The following PELI2 variants were observed in gnomAD, a reference collection of about 807,000 sequenced individuals.
PELI2 encodes the protein pellino E3 ubiquitin protein ligase family member 2.
A neutral mutation model predicts 42.3 loss-of-function variants in PELI2; 23 were observed. That is an observed-to-expected ratio of 0.54 (90% CI 0.39 to 0.77). The LOEUF (loss-of-function observed/expected upper bound fraction) is 0.77. Among genes scored for constraint, PELI2 ranks in the 30% least tolerant of loss-of-function variants. The pLI is 0.00. For synonymous variants in PELI2, 245 were observed against 212.2 expected (o/e 1.15, Z -1.34); for missense variants, 463 against 553.2 (o/e 0.84, Z 1.64).
At chr14:56,242,695 A>G (rs1379702106) in intron 2 of PELI2, among the ~76,000 whole-genome samples, 1 of 152,254 alleles carries the variant, frequency 6.6e-6, no homozygotes, top group East Asian at 1.9e-4. Context: ...AAATGAAGAC[A>G]TTTGCAGCAA....
intron 1 of PELI2, among the ~76,000 whole-genome samples, chr14:56,154,967 A>C (rs2139628981): frequency 6.6e-6 from 1 of 152,138 alleles, no homozygotes; most frequent in East Asian, 1.9e-4. Context: ...TGTTTTTTTG[A>C]TTACTAATTG....
intron 1 of PELI2, among the ~76,000 whole-genome samples, chr14:56,136,333 T>C (rs988644451): frequency 2.0e-5 from 3 of 152,176 alleles, no homozygotes; most frequent in Admixed American, 2.0e-4. Flanking sequence ...ACAAAATAAA[T>C]ATGTTTACTT....
At chr14:56,155,908 T>C (rs1470522763) in intron 1 of PELI2, among the ~76,000 whole-genome samples, 1 of 152,180 alleles carries the variant, frequency 6.6e-6, no homozygotes, top group Non-Finnish European at 1.5e-5. Context: ...GTTTTAATTA[T>C]TGTAGCAACA....
chr14:56,125,854 T>C (rs1883238334), intron 1 of PELI2, among the ~76,000 whole-genome samples: 1 of 152,050 alleles, frequency 6.6e-6, no homozygotes, highest in East Asian at 1.9e-4. Flanking sequence ...CTGGTGCATG[T>C]TAGGTACTCA....
intron 2 of PELI2, among the ~76,000 whole-genome samples, chr14:56,196,429 T>A (rs535406109): frequency 6.6e-6 from 1 of 152,332 alleles, no homozygotes; most frequent in South Asian, 2.1e-4. Context: ...ACATCACTAT[T>A]TCTAGGTTGG....
At chr14:56,209,534 A>T (rs111416596) in intron 2 of PELI2, among the ~76,000 whole-genome samples, 2,182 of 125,342 alleles carry the variant, frequency 0.017, 24 homozygotes, top group Middle Eastern at 0.08. Context: ...GGTTTTTTTA[A>T]TAAAATATTT....
chr14:56,299,338 C>T lies in PELI2; in HGVS notation c.*2172C>T, dbSNP rs1233580589. ...GTTACCTTCCAAGTTGGACACGTCCCGTAGTTGGGCATATGTCTAACTAAA... is the reference window on the plus strand; with the variant it reads ...GTTACCTTCCAAGTTGGACACGTCCTGTAGTTGGGCATATGTCTAACTAAA... On this transcript the variant is annotated 3_prime_UTR_variant, in exon 6 of 6. Coordinates refer to ENST00000267460, the MANE Select transcript of PELI2 (RefSeq NM_021255.3). 2.0e-5 allele frequency: 3 copies of T among 152,180 alleles called. No individual in the cohort carries two copies. Among genetic ancestry groups the T allele is most frequent in the Non-Finnish European group, 2.9e-5 (2 of 68,036 alleles). The allele number at this position is 152,180 out of a possible 1,614,324, so 9.4% of individuals were successfully genotyped here.
chr14:56,162,825 TC>T (rs1420055311), intron 1 of PELI2, among the ~76,000 whole-genome samples: 1 of 152,214 alleles, frequency 6.6e-6, no homozygotes, highest in African/African-American at 2.4e-5. Flanking sequence ...AAATGATATC[TC>T]ATTGTAGTTT....
At chr14:56,284,765 C>A (rs1889594045) in intron 3 of PELI2, among the ~76,000 whole-genome samples, 1 of 152,226 alleles carries the variant, frequency 6.6e-6, no homozygotes, top group Admixed American at 6.5e-5. Context: ...CTAGTTTCAT[C>A]TCTTGACCAT....
At chr14:56,235,326 A>G (rs7152487) in intron 2 of PELI2, among the ~76,000 whole-genome samples, 50,078 of 152,170 alleles carry the variant, frequency 0.33, 10,513 homozygotes, top group African/African-American at 0.6. Context: ...GTCAAGATAT[A>G]TCCCCCCAAA....
At chr14:56,149,325 C>G (rs985892676) in intron 1 of PELI2, among the ~76,000 whole-genome samples, 1 of 152,200 alleles carries the variant, frequency 6.6e-6, no homozygotes, top group Admixed American at 6.5e-5. Flanking sequence ...CCCTGTTTAA[C>G]TTTCTTCTTA....
intron 2 of PELI2, among the ~76,000 whole-genome samples, chr14:56,194,707 A>G (rs760302450): frequency 6.6e-6 from 1 of 152,198 alleles, no homozygotes; most frequent in Non-Finnish European, 1.5e-5. Context: ...TGGTAACTGG[A>G]TAAGGCAGCC....
At chr14:56,255,546 A>T (rs1404107720) in intron 2 of PELI2, among the ~76,000 whole-genome samples, 3 of 152,294 alleles carry the variant, frequency 2.0e-5, no homozygotes, top group East Asian at 3.9e-4. Flanking sequence ...TGACAGGTTG[A>T]TGGGTGCAGC....
At chr14:56,292,829 A>G (rs879860229) in intron 5 of PELI2, 2 of 953,146 alleles carry the variant, frequency 2.1e-6, no homozygotes, top group Non-Finnish European at 2.5e-6. Context: ...TGGAGTTTGA[A>G]TTGTGCCCTC....
chr14:56,268,114 T>G (rs564713286), intron 2 of PELI2, among the ~76,000 whole-genome samples: 1 of 152,316 alleles, frequency 6.6e-6, no homozygotes, highest in South Asian at 2.1e-4. Flanking sequence ...CCTATGTACT[T>G]TTTCTCCAGT....
chr14:56,199,550 GTTC>G (rs920154345), intron 2 of PELI2, among the ~76,000 whole-genome samples: 2 of 152,252 alleles, frequency 1.3e-5, no homozygotes, highest in South Asian at 2.1e-4. Flanking sequence ...GTGCTTCATG[GTTC>G]TTCTTGTTGA....
rs186939085 is a variant in PELI2, at chr14:56,206,044, G to A, written c.207+27580G>A. Reference sequence around the variant, plus strand: ...AGCTTTCAAACCGGCGCTCCCAGGAGGAAGTGTGGCAACTATTCAGAAGTT... The same window carrying A: ...AGCTTTCAAACCGGCGCTCCCAGGAAGAAGTGTGGCAACTATTCAGAAGTT... On this transcript the variant is annotated intron_variant, in intron 2 of 5. Coordinates refer to ENST00000267460, the MANE Select transcript of PELI2 (RefSeq NM_021255.3). Among the ~76,000 whole-genome samples the A allele has an allele frequency of 2.0e-4, 30 of 152,286 alleles. No homozygotes were observed. The South Asian group carries it at 2.5e-3, about 13-fold the overall frequency.
At chr14:56,278,869 A>T (rs1254994562) in intron 2 of PELI2, among the ~76,000 whole-genome samples, 1 of 152,198 alleles carries the variant, frequency 6.6e-6, no homozygotes, top group Non-Finnish European at 1.5e-5. Flanking sequence ...AGATTGAAGT[A>T]GAATGAATAG....
intron 2 of PELI2, among the ~76,000 whole-genome samples, chr14:56,234,302 G>T (rs1468016924): frequency 6.6e-6 from 1 of 152,116 alleles, no homozygotes; most frequent in Admixed American, 6.5e-5. Flanking sequence ...ACATACACAC[G>T]TATGTTTATT....
Sources: gnomAD v4.1 joint callset for allele counts (sites outside exome capture counted in the v4.1 genomes callset) on GRCh38, gnomAD v4.1.1 for gene constraint, MANE v1.5 for transcripts, NCBI Gene and HGNC (gene_info 2026-07-23, HGNC 2026-07-21) for gene names.